PCSK5: variants seen among roughly 807,000 people sequenced by gnomAD.
PCSK5 encodes proprotein convertase subtilisin/kexin type 5, also known as prohormone convertase 5.
A neutral mutation model predicts 233.2 loss-of-function variants in PCSK5; 129 were observed. That is an observed-to-expected ratio of 0.55 (90% confidence interval 0.48 to 0.64). The LOEUF (loss-of-function observed/expected upper bound fraction) is 0.64, where lower values mean the gene tolerates loss of function less well. PCSK5 is among the 30% of genes least tolerant of loss of function. PCSK5 has a pLI of 0.00. For synonymous variants in PCSK5, 825 were observed against 879.2 expected (o/e 0.94, Z 1.09); for missense variants, 2,076 against 2,430.1 (o/e 0.85, Z 3.06).
At chr9:76,226,865 G>C (rs1825911087) in intron 20 of PCSK5, among the ~76,000 whole-genome samples, 1 of 152,188 alleles carries the variant, frequency 6.6e-6, no homozygotes, top group African/African-American at 2.4e-5. Context: ...CAAGAAACTT[G>C]TGAGGCTGGA....
chr9:75,971,112 G>A (rs1280533470), intron 2 of PCSK5, among the ~76,000 whole-genome samples: 2 of 132,720 alleles, frequency 1.5e-5, no homozygotes, highest in East Asian at 5.2e-4. Flanking sequence ...ACAGGCCCCA[G>A]TGTGTGTTGT....
intron 9 of PCSK5, 93 bp from the exon 10 acceptor site, chr9:76,134,016 T>G: frequency 1.9e-5 from 16 of 826,488 alleles, no homozygotes; most frequent in Non-Finnish European, 2.8e-5. Context: ...TACTTTGCCA[T>G]TTTGATTTTG....
At chr9:76,032,571 GT>G (rs901600368) in intron 5 of PCSK5, among the ~76,000 whole-genome samples, 2 of 152,172 alleles carry the variant, frequency 1.3e-5, no homozygotes, top group Non-Finnish European at 2.9e-5. Context: ...ATGGTGGTAT[GT>G]CAGACTTAAA....
chr9:76,180,085 G>GTATA (rs1453245449), intron 15 of PCSK5, among the ~76,000 whole-genome samples: 1 of 88,536 alleles, frequency 1.1e-5, no homozygotes, highest in African/African-American at 6.0e-5. Context: ...ATGTGTGTGT[G>GTATA]TGTATATATA....
intron 2 of PCSK5, among the ~76,000 whole-genome samples, chr9:75,939,519 G>A (rs995705506): frequency 1.1e-4 from 17 of 152,162 alleles, no homozygotes; most frequent in Admixed American, 1.1e-3. Flanking sequence ...GGAGAATATT[G>A]GATGGAAGCT....
At chr9:76,272,430 C>G (rs748921890) in intron 24 of PCSK5, among the ~76,000 whole-genome samples, 1 of 152,010 alleles carries the variant, frequency 6.6e-6, no homozygotes, top group Non-Finnish European at 1.5e-5. Flanking sequence ...GTAAACCTGA[C>G]GGTGACAACT....
chr9:76,117,556 C>T (rs1226566837), intron 9 of PCSK5, among the ~76,000 whole-genome samples: 2 of 152,084 alleles, frequency 1.3e-5, no homozygotes, highest in Admixed American at 1.3e-4. Flanking sequence ...CAACGTTAAG[C>T]ACATCTTACC....
At chr9:75,894,187 A>T (rs1825719858) in intron 1 of PCSK5, among the ~76,000 whole-genome samples, 1 of 152,186 alleles carries the variant, frequency 6.6e-6, no homozygotes, top group Non-Finnish European at 1.5e-5. Flanking sequence ...CTATCCTGGT[A>T]GTATTTTTTA....
At chr9:76,158,699 A>C in intron 11 of PCSK5, among the ~76,000 whole-genome samples, 1 of 152,178 alleles carries the variant, frequency 6.6e-6, no homozygotes, top group South Asian at 2.1e-4. Flanking sequence ...CTCTGGGGCC[A>C]GCAATCTGTG....
chr9:76,193,450 CCT>C (rs1385278131), intron 20 of PCSK5: 5 of 868,782 alleles, frequency 5.8e-6, no homozygotes, highest in Non-Finnish European at 8.2e-6. Flanking sequence ...AAGCAAGCCA[CCT>C]CTCTCTTTCT....
At chr9:75,960,588 T>A (rs2131342663) in intron 2 of PCSK5, among the ~76,000 whole-genome samples, 1 of 152,336 alleles carries the variant, frequency 6.6e-6, no homozygotes, top group African/African-American at 2.4e-5. Context: ...GATTGTAAAT[T>A]AAATCTTATT....
intron 2 of PCSK5, among the ~76,000 whole-genome samples, chr9:75,955,562 C>A (rs1825058922): frequency 6.6e-6 from 1 of 152,038 alleles, no homozygotes; most frequent in African/African-American, 2.4e-5. Flanking sequence ...AGAAAAATTA[C>A]CACGATAAAT....
intron 2 of PCSK5, among the ~76,000 whole-genome samples, chr9:75,938,469 T>C (rs2131296044): frequency 6.6e-6 from 1 of 152,192 alleles, no homozygotes; most frequent in South Asian, 2.1e-4. Context: ...TATAATAACA[T>C]TGAAAAAGTT....
At chr9:75,933,011 C>T (rs1320001814) in intron 2 of PCSK5, among the ~76,000 whole-genome samples, 4 of 152,184 alleles carry the variant, frequency 2.6e-5, no homozygotes, top group African/African-American at 9.7e-5. Context: ...GAGAAGCTGA[C>T]TCCTGCTCTT....
rs72734621 is a variant in PCSK5 at position 76,094,665 on chromosome 9, T to C, written c.895-1225T>C. On this transcript the variant is annotated intron_variant, in intron 7 of 37. Coordinates refer to ENST00000674117, the MANE Select transcript of PCSK5 (RefSeq NM_001372043.1). ...GTCGCCCAGCTGGAGTGCAGTGGCA[T>C]GACCTCGGCTCATTGCAAACTGCAA... is the stretch of plus-strand genomic sequence containing the variant. Among the ~76,000 whole-genome samples, 1,352 of 152,188 alleles carry C rather than the reference T, an allele frequency of 8.9e-3. 11 individuals are homozygous for C. Among genetic ancestry groups the C allele is most frequent in the South Asian group, 0.016 (79 of 4,816 alleles).
At chr9:75,954,022 A>C (rs1824984851) in intron 2 of PCSK5, among the ~76,000 whole-genome samples, 1 of 152,204 alleles carries the variant, frequency 6.6e-6, no homozygotes, top group African/African-American at 2.4e-5. Context: ...TCACACTGGA[A>C]GGTGTTAAGC....
intron 24 of PCSK5, among the ~76,000 whole-genome samples, chr9:76,285,886 C>G (rs1389168273): frequency 6.6e-6 from 1 of 151,768 alleles, no homozygotes; most frequent in Non-Finnish European, 1.5e-5. Flanking sequence ...AATACAAAGA[C>G]ATTTCATTTT....
intron 3 of PCSK5, among the ~76,000 whole-genome samples, chr9:75,994,395 T>C (rs1175446951): frequency 2.9e-5 from 1 of 34,332 alleles, no homozygotes; most frequent in African/African-American, 7.3e-5. Context: ...TTTCTTTCTT[T>C]CTTTCTTTTT....
At chr9:76,282,267 G>A (rs965927196) in intron 24 of PCSK5, among the ~76,000 whole-genome samples, 2 of 149,694 alleles carry the variant, frequency 1.3e-5, no homozygotes, top group African/African-American at 4.9e-5. Flanking sequence ...ACAGGTGTGT[G>A]CCACTGTGCC....
Sources: allele counts gnomAD v4.1 joint callset (sites outside exome capture counted in the v4.1 genomes callset), GRCh38; gene constraint gnomAD v4.1.1; transcripts MANE v1.5; gene names NCBI Gene and HGNC (gene_info 2026-07-23, HGNC 2026-07-21).